The following GLCE variants were observed in gnomAD, a reference collection of about 807,000 sequenced individuals.
The protein encoded by GLCE is glucuronic acid epimerase.
GLCE carries 19 observed loss-of-function variants against 47.9 expected under a neutral mutation model. That is an observed-to-expected ratio of 0.40 (90% CI 0.28 to 0.58). The LOEUF (loss-of-function observed/expected upper bound fraction) is 0.58. GLCE is among the 20% of genes least tolerant of loss of function. The pLI is 0.48. For missense variants in GLCE, 556 were observed against 743.3 expected, an observed-to-expected ratio of 0.75 and a Z score of 2.93; for synonymous variants, 245 against 263.4, an observed-to-expected ratio of 0.93 and a Z score of 0.68.
intron 1 of GLCE, among the ~76,000 whole-genome samples, chr15:69,198,794 A>G (rs2052033526): frequency 6.6e-6 from 1 of 152,132 alleles, no homozygotes; most frequent in South Asian, 2.1e-4. Context: ...GGCTCAAGTG[A>G]TCCTCCTGCC....
chr15:69,183,053 G>A (rs1052411657), intron 1 of GLCE, among the ~76,000 whole-genome samples: 5 of 152,066 alleles, frequency 3.3e-5, no homozygotes, highest in African/African-American at 1.2e-4. Context: ...TATTAAAATT[G>A]AGAAGGTTTA....
At chr15:69,235,739 G>A (rs2052587831) in intron 2 of GLCE, among the ~76,000 whole-genome samples, 1 of 152,058 alleles carries the variant, frequency 6.6e-6, no homozygotes, top group South Asian at 2.1e-4. Flanking sequence ...TATTTTCATA[G>A]CATTTATTAC....
chr15:69,170,641 C>T (rs991685219), intron 1 of GLCE, among the ~76,000 whole-genome samples: 1 of 152,120 alleles, frequency 6.6e-6, no homozygotes, highest in Non-Finnish European at 1.5e-5. Flanking sequence ...CATTAAAATA[C>T]TTTCTGGTTT....
chr15:69,216,013 A>G (rs1051499126), intron 2 of GLCE, among the ~76,000 whole-genome samples: 1 of 152,188 alleles, frequency 6.6e-6, no homozygotes, highest in Non-Finnish European at 1.5e-5. Flanking sequence ...ATAATAAAAT[A>G]CACATTTTCA....
chr15:69,249,631 C>T lies in GLCE; in HGVS notation c.-13-6163C>T, dbSNP rs1267430100. Reference sequence around the variant, plus strand: ...CAGGGAAACTTTGGCCTACATTATTCGAGGGAAAAAAAGCCAATAACAATG... The same window carrying T: ...CAGGGAAACTTTGGCCTACATTATTTGAGGGAAAAAAAGCCAATAACAATG... On this transcript the variant is annotated intron_variant, in intron 2 of 4. Transcript: ENST00000261858. Among the ~76,000 whole-genome samples the T allele has an allele frequency of 2.6e-5, 4 of 151,650 alleles. No homozygotes were observed. The South Asian group carries it at 6.3e-4, about 24-fold the overall frequency.
At position 69,269,145 on chromosome 15, in the gene GLCE, G is replaced by T; in HGVS notation, c.1755G>T (p.Gln585His). ...RWDYHTTHIN[Q>H]LQLLSTIDES... ...ACTATCATACCACCCACATCAATCA[G>T]TTGCAGCTACTCAGTACCATTGATG... The change falls in exon 5 of 5, where the codon CAG (glutamine) becomes CAT (histidine). Residue 585 changes from glutamine to histidine, a missense_variant. Around this residue, in one of 3 missense-constraint regions of GLCE, gnomAD observed 245 missense variants for 368.1 expected, o/e 0.67. Transcript: ENST00000261858. 6.2e-7 allele frequency: 1 copy of T among 1,613,760 alleles called. No homozygotes were observed. Among genetic ancestry groups the T allele is most frequent in the African/African-American group, 1.3e-5 (1 of 75,028 alleles).
intron 3 of GLCE, 36 bp from the exon 4 acceptor site, chr15:69,261,051 G>T: frequency 6.3e-7 from 1 of 1,586,640 alleles, no homozygotes. Flanking sequence ...TGTAATGTCT[G>T]GATATGATTA....
chr15:69,240,776 G>A (rs1210820108), intron 2 of GLCE, among the ~76,000 whole-genome samples: 1 of 152,054 alleles, frequency 6.6e-6, no homozygotes, highest in Non-Finnish European at 1.5e-5. Context: ...AGAGGAAAAG[G>A]GGGAGAAGAG....
chr15:69,249,289 C>T (rs527490090), intron 2 of GLCE, among the ~76,000 whole-genome samples: 1 of 152,260 alleles, frequency 6.6e-6, no homozygotes, highest in South Asian at 2.1e-4. Context: ...TTCTTAACAC[C>T]TTAAAAGGTT....
chr15:69,163,746 C>T (rs1464358480), intron 1 of GLCE, among the ~76,000 whole-genome samples: 8 of 152,104 alleles, frequency 5.3e-5, no homozygotes. Context: ...TTTCAATGAG[C>T]AGACATTACT....
chr15:69,260,850 C>G, intron 3 of GLCE: 2 of 456,400 alleles, frequency 4.4e-6, no homozygotes, highest in Non-Finnish European at 7.8e-6. Flanking sequence ...TAATTTATAG[C>G]GTTGCACTAT....
At chr15:69,252,417 G>A (rs182764280) in intron 2 of GLCE, among the ~76,000 whole-genome samples, 1 of 152,330 alleles carries the variant, frequency 6.6e-6, no homozygotes, top group Admixed American at 6.5e-5. Context: ...AGGAGCCAAG[G>A]GAGTGTGGGC....
chr15:69,182,128 A>G (rs571894999), intron 1 of GLCE, among the ~76,000 whole-genome samples: 3 of 152,186 alleles, frequency 2.0e-5, no homozygotes, highest in Admixed American at 2.0e-4. Flanking sequence ...AGGAGCAAAA[A>G]GTTGAAATAG....
At chr15:69,268,131 A>C in intron 4 of GLCE, 89 bp from the exon 5 acceptor site, 1 of 745,584 alleles carries the variant, frequency 1.3e-6, no homozygotes, top group South Asian at 1.9e-5. Context: ...TTGTGCGGTC[A>C]GGGTTTTCAA....
chr15:69,170,152 A>G (rs1293898865), intron 1 of GLCE, among the ~76,000 whole-genome samples: 1 of 152,012 alleles, frequency 6.6e-6, no homozygotes, highest in African/African-American at 2.4e-5. Context: ...ATGAAACATT[A>G]GTTTTAAAAA....
chr15:69,186,102 C>G (rs2051819028), intron 1 of GLCE, among the ~76,000 whole-genome samples: 1 of 152,134 alleles, frequency 6.6e-6, no homozygotes, highest in African/African-American at 2.4e-5. Context: ...CCTGGGTATG[C>G]TACCCCCTGG....
chr15:69,264,462 A>G, intron 4 of GLCE, among the ~76,000 whole-genome samples: 1 of 152,134 alleles, frequency 6.6e-6, no homozygotes, highest in Admixed American at 6.5e-5. Flanking sequence ...GGTTGCTCCC[A>G]TGCCTTGGCT....
At chr15:69,238,641 A>G (rs979656354) in intron 2 of GLCE, among the ~76,000 whole-genome samples, 1 of 152,158 alleles carries the variant, frequency 6.6e-6, no homozygotes, top group African/African-American at 2.4e-5. Flanking sequence ...AGCAGGGTTG[A>G]CCTACTTATG....
chr15:69,261,871 A>T (rs1171815886), intron 4 of GLCE, among the ~76,000 whole-genome samples: 1 of 152,250 alleles, frequency 6.6e-6, no homozygotes, highest in African/African-American at 2.4e-5. Context: ...ACAAAATCAA[A>T]TTAACTTTAT....
Sources: allele counts gnomAD v4.1 joint callset (sites outside exome capture counted in the v4.1 genomes callset), GRCh38; gene constraint gnomAD v4.1.1; regional missense constraint gnomAD v4.1.1; transcripts MANE v1.5; gene names NCBI Gene and HGNC (gene_info 2026-07-23, HGNC 2026-07-21).